The following GRK3 variants were observed in gnomAD, a reference collection of about 807,000 sequenced individuals.
GRK3 encodes the protein adrenergic, beta, receptor kinase 2.
Under a neutral mutation model 95.7 loss-of-function variants are expected in GRK3, and 54 were observed. The ratio of observed to expected loss-of-function variants is 0.56; its 90% CI spans 0.45 to 0.71. GRK3 has a LOEUF of 0.71. GRK3 is among the 30% of genes least tolerant of loss of function. GRK3 has a pLI of 0.00. For synonymous variants in GRK3, 281 were observed against 290.8 expected (o/e 0.97, Z 0.34); for missense variants, 649 against 851.2 (o/e 0.76, Z 2.96).
intron 2 of GRK3, among the ~76,000 whole-genome samples, chr22:25,612,876 T>C (rs906939581): frequency 6.6e-6 from 1 of 151,728 alleles, no homozygotes; most frequent in Non-Finnish European, 1.5e-5. Context: ...CTGAGCAGTT[T>C]CTATAATAAT....
At chr22:25,686,227 A>AC (rs1311047469) in intron 10 of GRK3, among the ~76,000 whole-genome samples, 11 of 152,046 alleles carry the variant, frequency 7.2e-5, no homozygotes, top group African/African-American at 2.4e-4. Context: ...GTCTCAAAAA[A>AC]AAAAAACAAA....
At chr22:25,599,161 G>C (rs561026422) in intron 1 of GRK3, among the ~76,000 whole-genome samples, 4 of 152,072 alleles carry the variant, frequency 2.6e-5, no homozygotes, top group Non-Finnish European at 5.9e-5. Flanking sequence ...CCTTGGGTTA[G>C]GCAAAGAATT....
intron 1 of GRK3, among the ~76,000 whole-genome samples, chr22:25,599,694 C>T (rs1450469634): frequency 1.3e-5 from 2 of 152,012 alleles, no homozygotes; most frequent in Admixed American, 6.6e-5. Context: ...TACCAGTCCT[C>T]CTCAAATTGG....
intron 4 of GRK3, 31 bp downstream of exon 4, chr22:25,661,708 G>A: frequency 2.2e-6 from 3 of 1,349,260 alleles, no homozygotes; most frequent in South Asian, 2.5e-5. Context: ...TGTTACTTTA[G>A]TACTGATGAA....
chr22:25,667,026 C>A (rs1415990199), intron 5 of GRK3, among the ~76,000 whole-genome samples: 1 of 152,112 alleles, frequency 6.6e-6, no homozygotes, highest in Non-Finnish European at 1.5e-5. Flanking sequence ...AGGGGAAGAG[C>A]ACTGTGCATG....
At chr22:25,619,615 C>A (rs1186224610) in intron 2 of GRK3, among the ~76,000 whole-genome samples, 3 of 150,230 alleles carry the variant, frequency 2.0e-5, no homozygotes, top group Non-Finnish European at 2.9e-5. Context: ...TCCAGGGTAG[C>A]TAGGACTACA....
chr22:25,720,766 C>T (rs1034209506), intron 19 of GRK3, among the ~76,000 whole-genome samples: 15 of 152,096 alleles, frequency 9.9e-5, no homozygotes, highest in Admixed American at 1.3e-4. Flanking sequence ...TGAGCCACCG[C>T]GCCCAGCCTA....
chr22:25,581,739 A>G (rs1436277038), intron 1 of GRK3, among the ~76,000 whole-genome samples: 1 of 152,180 alleles, frequency 6.6e-6, no homozygotes, highest in East Asian at 1.9e-4. Context: ...CCTGAGTGCA[A>G]AAGACTTCAC....
chr22:25,608,469 G>C (rs1024303238), intron 2 of GRK3, among the ~76,000 whole-genome samples: 4 of 152,170 alleles, frequency 2.6e-5, no homozygotes, highest in African/African-American at 9.7e-5. Context: ...ATGATTGTCC[G>C]AGTGGGCTTA....
intron 2 of GRK3, among the ~76,000 whole-genome samples, chr22:25,607,589 T>G (rs2084461069): frequency 6.6e-6 from 1 of 151,862 alleles, no homozygotes; most frequent in South Asian, 2.1e-4. Flanking sequence ...TATTTATTTA[T>G]TTTTTGGGAC....
Position 25,722,423 on chromosome 22 carries a change from C to T in GRK3, c.2040C>T (p.Leu680=). The change falls in exon 21 of 21, where the codon CTC becomes CTT. Residue 680 remains leucine, a synonymous_variant. Coordinates refer to ENST00000324198, the MANE Select transcript of GRK3 (RefSeq NM_005160.4). ...CTGTGGAGCTCCCAAAGCCATCCCT[C>T]TGTCACAGAAACAGCAACGGCCTCT... ...SGTVELPKPS[L]CHRNSNGL is the part of the protein sequence containing the mutation. 1.2e-6 allele frequency: 2 copies of T among 1,614,202 alleles called. No homozygotes were observed. The highest frequency in any genetic ancestry group is 1.7e-6 in the Non-Finnish European group (2 of 1,180,042).
Position 25,664,670 on chromosome 22 carries a change from G to A in GRK3, c.441+966G>A, listed in dbSNP as rs773326196. On this transcript the variant is annotated intron_variant, in intron 5 of 20. Coordinates refer to ENST00000324198, the MANE Select transcript of GRK3 (RefSeq NM_005160.4). ...CAAGTAGCTGGGACCACAGGTGCCC[G>A]CCAGCATGCCCAGCTAATTTTTGTA... Among the ~76,000 whole-genome samples, 8 of 151,860 alleles carry A rather than the reference G, an allele frequency of 5.3e-5. No individual in the cohort carries two copies. In the South Asian group the frequency reaches 1.5e-3, roughly 28 times the overall value.
chr22:25,642,029 GAA>G, intron 2 of GRK3, among the ~76,000 whole-genome samples: 2 of 152,102 alleles, frequency 1.3e-5, no homozygotes, highest in Non-Finnish European at 2.9e-5. Flanking sequence ...TTGTCTTCCA[GAA>G]ATAGAAAAAG....
At chr22:25,696,708 T>A (rs1018150732) in intron 13 of GRK3, among the ~76,000 whole-genome samples, 1 of 152,210 alleles carries the variant, frequency 6.6e-6, no homozygotes, top group African/African-American at 2.4e-5. Flanking sequence ...GAGGCTGAAT[T>A]CTACATTCCC....
chr22:25,568,310 C>CT (rs200314860), intron 1 of GRK3, among the ~76,000 whole-genome samples: 198 of 150,026 alleles, frequency 1.3e-3, no homozygotes, highest in African/African-American at 2.6e-3. Flanking sequence ...CTCTGTTACT[C>CT]TTTTTTTTTT....
chr22:25,635,473 GTTC>G (rs1468545562), intron 2 of GRK3, among the ~76,000 whole-genome samples: 19 of 152,250 alleles, frequency 1.2e-4, no homozygotes, highest in Non-Finnish European at 2.8e-4. Flanking sequence ...TCCCCAAAAT[GTTC>G]TTTTTTGCTA....
chr22:25,633,611 T>G (rs1421591670), intron 2 of GRK3, among the ~76,000 whole-genome samples: 1 of 152,172 alleles, frequency 6.6e-6, no homozygotes, highest in Non-Finnish European at 1.5e-5. Flanking sequence ...CATTGTTCAG[T>G]ACTAATAAAT....
At chr22:25,722,179 G>C (rs1015439163) in intron 20 of GRK3, 110 bp from the exon 21 acceptor site, 53 of 1,226,502 alleles carry the variant, frequency 4.3e-5, no homozygotes, top group Non-Finnish European at 5.6e-5. Context: ...GACACGTAGG[G>C]TGTGCTTCCT....
At chr22:25,649,108 A>G (rs964471888) in intron 3 of GRK3, 8 of 1,524,910 alleles carry the variant, frequency 5.2e-6, no homozygotes, top group African/African-American at 4.1e-5. Context: ...GAATCCCTCC[A>G]TGAATTGATG....
Sources: gnomAD v4.1 joint callset for allele counts (sites outside exome capture counted in the v4.1 genomes callset) on GRCh38, gnomAD v4.1.1 for gene constraint, MANE v1.5 for transcripts, NCBI Gene and HGNC (gene_info 2026-07-23, HGNC 2026-07-21) for gene names.